The following CD109 variants were observed in gnomAD, a reference collection of about 807,000 sequenced individuals.
The protein encoded by CD109 is CD109 antigen.
A neutral mutation model predicts 165.8 loss-of-function variants in CD109; 149 were observed. The observed-to-expected ratio is 0.90, with a 90% confidence interval of 0.79 to 1.03. CD109 has a LOEUF of 1.03. Ranked by LOEUF, CD109 falls within the 50% of genes least tolerant of loss-of-function variation. The pLI, the probability that CD109 is intolerant of heterozygous loss-of-function variation, is 0.00. For missense variants in CD109, 1,712 were observed against 1,677.8 expected (o/e 1.02, Z -0.36); for synonymous variants, 585 against 592.1 (o/e 0.99, Z 0.18).
At chr6:73,770,480 C>T (rs1185818432) in intron 14 of CD109, among the ~76,000 whole-genome samples, 1 of 152,202 alleles carries the variant, frequency 6.6e-6, no homozygotes, top group African/African-American at 2.4e-5. Flanking sequence ...CACTGTGGCT[C>T]ACGCCTGTAA....
chr6:73,729,884 T>C (rs117954833), intron 3 of CD109, among the ~76,000 whole-genome samples: 1 of 152,080 alleles, frequency 6.6e-6, no homozygotes, highest in Non-Finnish European at 1.5e-5. Flanking sequence ...ATGACACATA[T>C]GCGCAAGATG....
Position 73,702,126 on chromosome 6 carries a change from C to G in CD109, c.247+4554C>G, listed in dbSNP as rs372700309. Among the ~76,000 whole-genome samples the G allele has an allele frequency of 5.9e-5, 9 of 152,150 alleles. No homozygotes were observed. The South Asian group carries it at 8.3e-4, about 14-fold the overall frequency. Reference sequence around the variant, plus strand: ...GCTCTATAAATGTGTCTGTAACTCGCTTTTTCTTTTTGCCCTAAAATCCTG... The same window carrying G: ...GCTCTATAAATGTGTCTGTAACTCGGTTTTTCTTTTTGCCCTAAAATCCTG... On this transcript the variant is annotated intron_variant, in intron 2 of 32. Transcript: ENST00000287097.
At chr6:73,760,178 C>T (rs4706553) in intron 7 of CD109, among the ~76,000 whole-genome samples, 43,303 of 151,232 alleles carry the variant, frequency 0.29, 6,342 homozygotes, top group Admixed American at 0.34. Context: ...GAGGCCGAGG[C>T]GGGCGGGTCA....
chr6:73,821,106 A>C lies in CD109; in HGVS notation c.4162+543A>C, dbSNP rs546046981. Among the ~76,000 whole-genome samples the C allele has an allele frequency of 7.9e-5, 12 of 152,294 alleles. 1 individual carries two copies. The South Asian group carries it at 1.5e-3, about 18-fold the overall frequency. ...TCGCACTCATAGGTGGGAATTGACC[A>C]ATGAGAACACTTGGACACAGAGAGG... On this transcript the variant is annotated intron_variant, in intron 32 of 32. Transcript: ENST00000287097.
intron 15 of CD109, among the ~76,000 whole-genome samples, chr6:73,773,249 A>C (rs1774113296): frequency 6.6e-6 from 1 of 150,592 alleles, no homozygotes; most frequent in Non-Finnish European, 1.5e-5. Context: ...ATTTACATTA[A>C]ATTTTTTCAG....
chr6:73,704,685 G>C (rs1323463077), intron 2 of CD109, among the ~76,000 whole-genome samples: 1 of 152,132 alleles, frequency 6.6e-6, no homozygotes, highest in Admixed American at 6.5e-5. Flanking sequence ...GCTGAAACTA[G>C]TTGTTTCCCC....
At chr6:73,815,468 C>T (rs1394241417) in intron 30 of CD109, among the ~76,000 whole-genome samples, 1 of 152,130 alleles carries the variant, frequency 6.6e-6, no homozygotes, top group Non-Finnish European at 1.5e-5. Flanking sequence ...AGTTATTTTT[C>T]TGTAGAAATA....
chr6:73,768,362 A>G, intron 14 of CD109, 131 bp downstream of exon 14: 1 of 609,814 alleles, frequency 1.6e-6, no homozygotes, highest in Middle Eastern at 4.5e-4. Context: ...TTCTAGAACT[A>G]TGGTTAAACT....
chr6:73,816,450 T>G (rs1157204093), intron 30 of CD109, among the ~76,000 whole-genome samples: 1 of 152,158 alleles, frequency 6.6e-6, no homozygotes, highest in Non-Finnish European at 1.5e-5. Context: ...GTATGTGTTA[T>G]TATTATCCCT....
At chr6:73,759,211 A>G (rs551852022) in intron 7 of CD109, among the ~76,000 whole-genome samples, 183 bp downstream of exon 7, 3 of 152,330 alleles carry the variant, frequency 2.0e-5, no homozygotes, top group Non-Finnish European at 2.9e-5. Flanking sequence ...CACTGCATCT[A>G]TCACTCTGCT....
At chr6:73,783,887 C>A in intron 19 of CD109, 63 bp downstream of exon 19, 1 of 871,204 alleles carries the variant, frequency 1.1e-6, no homozygotes, top group Non-Finnish European at 1.8e-6. Context: ...AGCGTCAGCT[C>A]CTCAATTTTT....
chr6:73,776,628 G>T (rs1774255964), intron 15 of CD109, among the ~76,000 whole-genome samples: 1 of 139,572 alleles, frequency 7.2e-6, no homozygotes, highest in Non-Finnish European at 1.5e-5. Context: ...TGTGATCTTG[G>T]CTCACTGCAA....
In CD109 at chr6:73,818,393, CG is replaced by C. The variant is rs771446280; in HGVS notation, c.3920del (p.Gly1307AlafsTer15). On this transcript the variant is annotated frameshift_variant, in exon 31 of 33. Transcript: ENST00000287097. LOFTEE classifies it high-confidence loss of function. Reference protein sequence around the residue: ...HVDLNVCTSFSGPGRSGMALM... With the variant: ...HVDLNVCTSFXGPGRSGMALM... ...ATCCTCCCTCTTTGATTTAGCTTTT[CG>C]GGCCCGGGTAGGAGTGGCATGGCTC... The C allele has an allele frequency of 1.2e-6, 2 of 1,613,562 alleles. No homozygotes were observed. Among genetic ancestry groups the C allele is most frequent in the African/African-American group, 2.7e-5 (2 of 74,852 alleles).
In CD109 at chr6:73,730,541, GCCTTACAAAAC is replaced by G; in HGVS notation, c.476_486del (p.Pro159LeufsTer7). The stretch of plus-strand genomic sequence containing the variant: ...TTGTTACACTCTTCTCAGATTTTAA[GCCTTACAAAAC>G]CTCTTTAAACATTCTCATTAAGGTA... On this transcript the variant is annotated frameshift_variant, in exon 4 of 33. Coordinates refer to ENST00000287097, the MANE Select transcript of CD109 (RefSeq NM_133493.5). LOFTEE classifies it high-confidence loss of function. 1 of 1,613,834 alleles carries G rather than the reference GCCTTACAAAAC, an allele frequency of 6.2e-7. No individual in the cohort carries two copies. The highest frequency in any genetic ancestry group is 1.1e-5 in the South Asian group (1 of 91,080).
chr6:73,805,568 C>T (rs550640066), intron 24 of CD109, among the ~76,000 whole-genome samples: 21 of 152,304 alleles, frequency 1.4e-4, no homozygotes, highest in African/African-American at 4.8e-4. Context: ...CAGCACAGAC[C>T]CTTTACGGGT....
At chr6:73,820,399 TCTTTA>T in intron 31 of CD109, 57 bp from the exon 32 acceptor site, 1 of 861,738 alleles carries the variant, frequency 1.2e-6, no homozygotes, top group Non-Finnish European at 1.8e-6. Context: ...AAAAGAAATG[TCTTTA>T]CTTAATCATG....
At chr6:73,767,521 T>C (rs1431533780) in intron 13 of CD109, among the ~76,000 whole-genome samples, 3 of 152,218 alleles carry the variant, frequency 2.0e-5, no homozygotes, top group African/African-American at 4.8e-5. Context: ...ACTAAACTTA[T>C]TAATTTTTAT....
At chr6:73,785,905 C>T (rs988143887) in intron 20 of CD109, among the ~76,000 whole-genome samples, 6 of 149,300 alleles carry the variant, frequency 4.0e-5, no homozygotes, top group Non-Finnish European at 7.4e-5. Flanking sequence ...AGTGCAGTGG[C>T]GTGATCTCGG....
chr6:73,709,680 C>A (rs1771448628), intron 2 of CD109, among the ~76,000 whole-genome samples: 1 of 152,048 alleles, frequency 6.6e-6, no homozygotes, highest in African/African-American at 2.4e-5. Flanking sequence ...AACATCGATG[C>A]AAAAATCTTC....
Sources: gnomAD v4.1 joint callset for allele counts (sites outside exome capture counted in the v4.1 genomes callset) on GRCh38, gnomAD v4.1.1 for gene constraint, MANE v1.5 for transcripts, NCBI Gene and HGNC (gene_info 2026-07-23, HGNC 2026-07-21) for gene names.